The following UGT1A8 variants were observed in gnomAD, a reference collection of about 807,000 sequenced individuals.
UGT1A8 encodes UDP glucuronosyltransferase family 1 member A8, also known as UDP-glucuronosyltransferase 1A8.
In UGT1A8, 39 loss-of-function variants were observed where a neutral mutation model predicts 45.3. The ratio of observed to expected loss-of-function variants is 0.86; its 90% confidence interval spans 0.67 to 1.12. UGT1A8 has a LOEUF of 1.12. Among genes scored for constraint, UGT1A8 ranks in the 50% most tolerant of loss-of-function variants. The pLI is 0.00. For synonymous variants in UGT1A8, 275 were observed against 249.2 expected (o/e 1.10, Z -0.97); for missense variants, 719 against 664.9 (o/e 1.08, Z -0.90).
chr2:233,657,584 C>A (rs1359835386), intron 1 of UGT1A8, among the ~76,000 whole-genome samples: 2 of 152,176 alleles, frequency 1.3e-5, no homozygotes, highest in Admixed American at 1.3e-4. Flanking sequence ...AACCCAGATA[C>A]CTCCCACTAA....
intron 1 of UGT1A8, among the ~76,000 whole-genome samples, chr2:233,689,366 C>T (rs2074939498): frequency 6.6e-6 from 1 of 152,200 alleles, no homozygotes; most frequent in Non-Finnish European, 1.5e-5. Context: ...ATGTGCAGGG[C>T]ACAAAGCAAG....
rs1315730958 is a variant in UGT1A8 at position 233,636,931 on chromosome 2, T to TAA, written c.855+18369_855+18370insAA. 4 of 1,614,230 alleles carry TAA rather than the reference T, an allele frequency of 2.5e-6. No homozygotes were observed. The South Asian group carries it at 4.4e-5, about 18-fold the overall frequency. ...TAATGACCGAAAATTAGTAGAATAC[T>TAA]TAAAGGAGAGTTCTTTTGATGCAGT... On this transcript the variant is annotated intron_variant, in intron 1 of 4. Transcript: ENST00000373450.
intron 1 of UGT1A8, among the ~76,000 whole-genome samples, chr2:233,758,415 C>A (rs917812043): frequency 6.6e-6 from 1 of 152,194 alleles, no homozygotes; most frequent in African/African-American, 2.4e-5. Flanking sequence ...TGTCTATAAT[C>A]TGCAAATGAA....
At position 233,617,902 on chromosome 2, in the gene UGT1A8, A is replaced by T; in HGVS notation, c.195A>T (p.Gln65His). The part of the protein sequence containing the change: ...VVVVMPEVSW[Q>H]LGKSLNCTVK... Reference sequence around the variant, plus strand: ...TAGTCATGCCAGAGGTGAGTTGGCAACTGGGAAAATCACTGAATTGCACAG... The same window carrying T: ...TAGTCATGCCAGAGGTGAGTTGGCATCTGGGAAAATCACTGAATTGCACAG... The change falls in exon 1 of 5, where the codon CAA becomes CAT. Residue 65 changes from glutamine (Q) to histidine (H), a missense_variant. Physicochemically the swap from Gln to His is conservative, Grantham distance 24 (BLOSUM62 0). Transcript: ENST00000373450. 1 of 1,614,186 alleles carries T rather than the reference A, an allele frequency of 6.2e-7. No homozygotes were observed.
chr2:233,770,182 A>T (rs778207496), intron 4 of UGT1A8: 1 of 152,262 alleles, frequency 6.6e-6, no homozygotes, highest in Non-Finnish European at 1.5e-5. Flanking sequence ...CAACTTATTA[A>T]CTAACTTTCA....
At chr2:233,743,354 T>C in intron 1 of UGT1A8, 1 of 972,108 alleles carries the variant, frequency 1.0e-6, no homozygotes, top group Non-Finnish European at 1.5e-6. Context: ...GACATGGACT[T>C]GAAGCTGCCT....
intron 1 of UGT1A8, chr2:233,742,605 G>A (rs1344042789): frequency 6.6e-6 from 1 of 151,892 alleles, no homozygotes; most frequent in Non-Finnish European, 1.5e-5. Context: ...TACCATAGTT[G>A]GAGAACCACG....
At position 233,664,775 on chromosome 2, in the gene UGT1A8, G is replaced by T. The variant is rs1387218105; in HGVS notation, c.855+46213G>T. 2.6e-5 allele frequency among the ~76,000 whole-genome samples: 4 copies of T among 152,182 alleles called. No individual in the cohort carries two copies. The East Asian group carries it at 7.7e-4, about 29-fold the overall frequency. On this transcript the variant is annotated intron_variant, in intron 1 of 4. Coordinates refer to ENST00000373450, the MANE Select transcript of UGT1A8 (RefSeq NM_019076.5). The stretch of plus-strand genomic sequence containing the variant: ...TATCATATTTCAACATGAGATTTGG[G>T]TGGGGACAAATATCCAAGCTATAAC...
At chr2:233,742,803 G>T (rs1329943458) in intron 1 of UGT1A8, 1 of 153,428 alleles carries the variant, frequency 6.5e-6, no homozygotes, top group African/African-American at 2.4e-5. Context: ...TAAGCCAGAA[G>T]TATTGATATT....
chr2:233,729,876 T>A, intron 1 of UGT1A8: 1 of 1,597,258 alleles, frequency 6.3e-7, no homozygotes, highest in South Asian at 1.1e-5. Context: ...ATATTCTCAG[T>A]CATGCATCTG....
chr2:233,663,812 C>T (rs1048723044), intron 1 of UGT1A8, among the ~76,000 whole-genome samples: 2 of 152,162 alleles, frequency 1.3e-5, no homozygotes, highest in African/African-American at 2.4e-5. Context: ...AGATCTTTTT[C>T]ACTGTCTCAG....
chr2:233,645,892 C>T (rs2073588959), intron 1 of UGT1A8, among the ~76,000 whole-genome samples: 2 of 152,212 alleles, frequency 1.3e-5, no homozygotes, highest in African/African-American at 2.4e-5. Flanking sequence ...TAGGCAGTCC[C>T]CCAGTTGTTG....
At chr2:233,718,999 T>G in intron 1 of UGT1A8, 2 of 1,614,228 alleles carry the variant, frequency 1.2e-6, no homozygotes, top group Non-Finnish European at 1.7e-6. Context: ...CAGGCGGTGG[T>G]CCTCACCCCA....
intron 1 of UGT1A8, among the ~76,000 whole-genome samples, chr2:233,677,869 G>A (rs1189282780): frequency 6.6e-6 from 1 of 151,890 alleles, no homozygotes; most frequent in Non-Finnish European, 1.5e-5. Flanking sequence ...CACATGCACT[G>A]GTATGTTCAT....
intron 1 of UGT1A8, among the ~76,000 whole-genome samples, chr2:233,627,939 A>C (rs749897271): frequency 2.6e-5 from 4 of 151,948 alleles, no homozygotes; most frequent in Non-Finnish European, 5.9e-5. Flanking sequence ...ATCACTTTTT[A>C]CTCTGACATG....
chr2:233,772,314 G>T lies in UGT1A8; in HGVS notation c.1348G>T (p.Glu450Ter). The T allele has an allele frequency of 6.2e-7, 1 of 1,614,222 alleles. No individual in the cohort carries two copies. The highest frequency in any genetic ancestry group is 8.5e-7 in the Non-Finnish European group (1 of 1,180,048). ...LSSLHKDRPV[E>*]PLDLAVFWVE... is the part of the protein sequence containing the mutation. Reference sequence around the variant, plus strand: ...CAGCCTTCACAAGGACCGCCCGGTGGAGCCGCTGGACCTGGCCGTGTTCTG... The same window carrying T: ...CAGCCTTCACAAGGACCGCCCGGTGTAGCCGCTGGACCTGGCCGTGTTCTG... Residue 450 changes from glutamate (E) to a stop codon, truncating the protein, a stop_gained, in exon 5 of 5, where the codon GAG (glutamate) becomes TAG (stop). Transcript: ENST00000373450. LOFTEE classifies it high-confidence loss of function.
At chr2:233,660,982 A>G (rs1224739374) in intron 1 of UGT1A8, among the ~76,000 whole-genome samples, 1 of 152,104 alleles carries the variant, frequency 6.6e-6, no homozygotes, top group Non-Finnish European at 1.5e-5. Flanking sequence ...ATTTAGCTTT[A>G]TGTTGTCATA....
intron 1 of UGT1A8, among the ~76,000 whole-genome samples, chr2:233,635,448 G>A (rs889316037): frequency 1.3e-5 from 2 of 150,696 alleles, no homozygotes; most frequent in South Asian, 4.2e-4. Context: ...TACATGTACT[G>A]TCGTATACTT....
chr2:233,635,296 G>A (rs966856063), intron 1 of UGT1A8, among the ~76,000 whole-genome samples: 3 of 150,548 alleles, frequency 2.0e-5, no homozygotes, highest in African/African-American at 4.9e-5. Context: ...TGCTTTTCTC[G>A]AGGAGTATCT....
Sources: allele counts gnomAD v4.1 joint callset (sites outside exome capture counted in the v4.1 genomes callset), GRCh38; gene constraint gnomAD v4.1.1; transcripts MANE v1.5; gene names NCBI Gene and HGNC (gene_info 2026-07-23, HGNC 2026-07-21).